NUP210L: variants seen among roughly 807,000 people sequenced by gnomAD.
The protein encoded by NUP210L is nuclear pore membrane glycoprotein 210-like.
A neutral mutation model predicts 208.5 loss-of-function variants in NUP210L; 74 were observed. The observed-to-expected ratio is 0.35, with a 90% CI of 0.29 to 0.43. NUP210L has a LOEUF of 0.43. Ranked by LOEUF, NUP210L falls within the 20% of genes least tolerant of loss-of-function variation. The pLI is 1.00. For synonymous variants in NUP210L, 780 were observed against 816.9 expected, an observed-to-expected ratio of 0.95 and a Z score of 0.77; for missense variants, 1,843 against 2,289.4, an observed-to-expected ratio of 0.81 and a Z score of 3.98.
chr1:154,059,357 G>A (rs1473054919), intron 20 of NUP210L, among the ~76,000 whole-genome samples: 1 of 151,898 alleles, frequency 6.6e-6, no homozygotes, highest in African/African-American at 2.4e-5. Flanking sequence ...AAATTAGCTG[G>A]GCATGGTGGC....
chr1:154,033,164 T>G lies in NUP210L; in HGVS notation c.3697-3110A>C, dbSNP rs181928311. Among the ~76,000 whole-genome samples the G allele has an allele frequency of 3.9e-5, 6 of 152,292 alleles. No individual in the cohort carries two copies. In the East Asian group the frequency reaches 7.7e-4, roughly 20 times the overall value. ...AGATGTTAATCCTTTGTTAGATGGATAGTTTGCAAGTATTTTCTCCCATTC... is the reference window on the plus strand; with the variant it reads ...AGATGTTAATCCTTTGTTAGATGGAGAGTTTGCAAGTATTTTCTCCCATTC... On this transcript the variant is annotated intron_variant, in intron 27 of 39. Transcript: ENST00000368559.
chr1:154,065,158 GC>G lies in NUP210L; in HGVS notation c.2555-3485del, dbSNP rs1654340348. Among the ~76,000 whole-genome samples the G allele has an allele frequency of 2.0e-5, 3 of 151,572 alleles. No homozygotes were observed. In the South Asian group the frequency reaches 6.3e-4, roughly 32 times the overall value. ...AATAAAATCAGGTACAATGGCTCAT[GC>G]CTGTAATCCCAGCACTTTGAGAGGC... is the stretch of plus-strand genomic sequence containing the variant. On this transcript the variant is annotated intron_variant, in intron 17 of 39. Coordinates refer to ENST00000368559, the Ensembl canonical transcript of NUP210L.
chr1:154,074,557 C>T (rs912855425), intron 16 of NUP210L, among the ~76,000 whole-genome samples: 1 of 149,130 alleles, frequency 6.7e-6, no homozygotes, highest in South Asian at 2.1e-4. Context: ...GGCACGATCT[C>T]GGCTCACTGC....
rs754340618 is a variant in NUP210L, at chr1:154,104,001, G to A, written c.1819+11C>T. 1.3e-6 allele frequency: 2 copies of A among 1,593,368 alleles called. No homozygotes were observed. The highest frequency in any genetic ancestry group is 1.7e-6 in the Non-Finnish European group (2 of 1,166,438). ...GACAAAGGAAGGAGAAGATAAAAAG[G>A]CTACTTTTACCTTCTTTGAGAAGAG... is the stretch of plus-strand genomic sequence containing the variant. On this transcript the variant is annotated intron_variant, in intron 13 of 39. Transcript: ENST00000368559.
intron 35 of NUP210L, among the ~76,000 whole-genome samples, chr1:154,006,667 T>C (rs1650541299): frequency 6.6e-6 from 1 of 150,680 alleles, no homozygotes; most frequent in Non-Finnish European, 1.5e-5. Flanking sequence ...CTAATTTTTG[T>C]ATTTTTTAGT....
chr1:154,137,565 A>C, intron 6 of NUP210L, among the ~76,000 whole-genome samples: 1 of 151,160 alleles, frequency 6.6e-6, no homozygotes, highest in East Asian at 1.9e-4. Flanking sequence ...AAAAAAAAAA[A>C]AGAGCTTGAT....
chr1:154,027,080 C>CAAAAAAAAAAAAAAAAAAA (rs59626984), intron 29 of NUP210L, among the ~76,000 whole-genome samples: 3 of 101,744 alleles, frequency 2.9e-5, no homozygotes, highest in East Asian at 2.9e-4. Context: ...GAGACTGTCT[C>CAAAAAAAAAAAAAAAAAAA]AAAAAAAAAA....
chr1:154,124,105 T>A (rs1657759425), intron 10 of NUP210L, among the ~76,000 whole-genome samples: 1 of 148,488 alleles, frequency 6.7e-6, no homozygotes, highest in Non-Finnish European at 1.5e-5. Flanking sequence ...GAGAATCACA[T>A]GAACACAGGA....
At chr1:154,114,481 C>A (rs1418982107) in intron 12 of NUP210L, among the ~76,000 whole-genome samples, 1 of 152,112 alleles carries the variant, frequency 6.6e-6, no homozygotes, top group Non-Finnish European at 1.5e-5. Context: ...AACTCTCCAG[C>A]CCTAATCTTT....
At chr1:154,116,947 A>G (rs1657361765) in intron 12 of NUP210L, among the ~76,000 whole-genome samples, 2 of 152,176 alleles carry the variant, frequency 1.3e-5, no homozygotes, top group Admixed American at 1.3e-4. Flanking sequence ...ACACTATCTC[A>G]TTTAATCCTG....
intron 29 of NUP210L, among the ~76,000 whole-genome samples, chr1:154,027,080 C>CAAAAAAAAAAAAAA (rs59626984): frequency 1.1e-3 from 113 of 101,726 alleles, no homozygotes; most frequent in African/African-American, 1.4e-3. Context: ...GAGACTGTCT[C>CAAAAAAAAAAAAAA]AAAAAAAAAA....
At chr1:154,021,680 A>G (rs562596813) in intron 32 of NUP210L, among the ~76,000 whole-genome samples, 93 of 152,214 alleles carry the variant, frequency 6.1e-4, no homozygotes, top group African/African-American at 2.2e-3. Context: ...TCAATATAGT[A>G]ATTACCCTCC....
chr1:154,125,331 C>T (rs1191554075), intron 10 of NUP210L, among the ~76,000 whole-genome samples: 1 of 151,654 alleles, frequency 6.6e-6, no homozygotes, highest in African/African-American at 2.4e-5. Context: ...ATGCCTATAA[C>T]CCCAGCTACA....
At chr1:154,095,049 C>T (rs781692321) in exon 15 of NUP210L, 1 of 1,613,404 alleles carries the variant, frequency 6.2e-7, no homozygotes. Context: ...CATTCAATTC[C>T]AAAAAAAATC....
intron 13 of NUP210L, among the ~76,000 whole-genome samples, chr1:154,103,578 A>G (rs1656584506): frequency 6.8e-6 from 1 of 147,364 alleles, no homozygotes; most frequent in African/African-American, 2.5e-5. Flanking sequence ...AGGCTGAGGC[A>G]GGAGAATGGC....
At chr1:154,085,210 C>G (rs1468783217) in intron 16 of NUP210L, among the ~76,000 whole-genome samples, 1 of 149,538 alleles carries the variant, frequency 6.7e-6, no homozygotes, top group African/African-American at 2.4e-5. Flanking sequence ...AATAGCCAGG[C>G]TTGGTAGTGG....
intron 13 of NUP210L, 69 bp from the exon 14 acceptor site, chr1:154,100,212 G>A (rs1656389000): frequency 7.0e-7 from 1 of 1,436,422 alleles, no homozygotes; most frequent in Non-Finnish European, 9.7e-7. Flanking sequence ...CACTTTGGGA[G>A]GCCAAGGCAG....
Position 154,131,011 on chromosome 1 carries a change from A to T in NUP210L, c.1010-1666T>A, listed in dbSNP as rs561834073. ...GCCGGGCGTCGTGAATCACGCCTGT[A>T]ATCTCAGCACTTTGGGAGGCCGAGA... On this transcript the variant is annotated intron_variant, in intron 7 of 39. Transcript: ENST00000368559. Among the ~76,000 whole-genome samples, 7 of 152,252 alleles carry T rather than the reference A, an allele frequency of 4.6e-5. No individual in the cohort carries two copies. In the South Asian group the frequency reaches 1.2e-3, roughly 27 times the overall value.
intron 16 of NUP210L, among the ~76,000 whole-genome samples, chr1:154,072,292 T>C (rs1437516221): frequency 6.6e-6 from 1 of 151,738 alleles, no homozygotes; most frequent in Non-Finnish European, 1.5e-5. Context: ...ACATCTATTA[T>C]TTTTTGTATT....
Sources: allele counts gnomAD v4.1 joint callset (sites outside exome capture counted in the v4.1 genomes callset), GRCh38; gene constraint gnomAD v4.1.1; transcripts MANE v1.5; gene names NCBI Gene and HGNC (gene_info 2026-07-23, HGNC 2026-07-21).